The following ZNF784 variants were observed in gnomAD, a reference collection of about 807,000 sequenced individuals.
ZNF784 encodes zinc finger protein 784.
ZNF784 carries 5 observed loss-of-function variants against 3.3 expected under a neutral mutation model. The observed-to-expected ratio is 1.53, with a 90% CI of 0.80 to 3.22. The LOEUF (loss-of-function observed/expected upper bound fraction) is 3.22. Among genes scored for constraint, ZNF784 ranks in the 30% most tolerant of loss-of-function variants. ZNF784 has a pLI of 0.00. For missense variants in ZNF784, 501 were observed against 480.7 expected, an observed-to-expected ratio of 1.04 and a Z score of -0.39; for synonymous variants, 231 against 219.6, an observed-to-expected ratio of 1.05 and a Z score of -0.46.
In ZNF784 at chr19:55,622,006, A is replaced by T; in HGVS notation, c.717T>A (p.Leu239=). ...CGKGFTQSSV[L]SGHARIHTGE... ...CAGTGTGGATGCGGGCGTGGCCGCTAAGCACCGAGGACTGGGTGAAGCCCT... is the reference window on the plus strand; with the variant it reads ...CAGTGTGGATGCGGGCGTGGCCGCTTAGCACCGAGGACTGGGTGAAGCCCT... The change falls in exon 2 of 2, where the codon CTT becomes CTA. Residue 239 remains leucine, a synonymous_variant. Transcript: ENST00000325351. The surrounding 1 kb of genome is among the most constrained non-coding windows in gnomAD (Gnocchi z 5.9). 1.3e-6 allele frequency: 2 copies of T among 1,593,830 alleles called. No homozygotes were observed. Among genetic ancestry groups the T allele is most frequent in the Non-Finnish European group, 1.7e-6 (2 of 1,177,988 alleles).
chr19:55,621,777 T>G lies in ZNF784; in HGVS notation c.946A>C (p.Lys316Gln). The change falls in exon 2 of 2, where the codon AAG (lysine) becomes CAG (glutamine). Residue 316 changes from lysine (K) to glutamine (Q), a missense_variant. Lys to Gln is a moderately conservative substitution (Grantham distance 53). Transcript: ENST00000325351. This position sits in a 1 kb window ranked among gnomAD's most constrained non-coding sequence, Gnocchi z 4.1. ...PAEEGRGETA[K>Q]VKVEADQ is the part of the protein sequence containing the mutation. Reference sequence around the variant, plus strand: ...TACTGGTCGGCCTCCACCTTCACCTTCGCGGTCTCCCCCCGCCCCTCCTCC... The same window carrying G: ...TACTGGTCGGCCTCCACCTTCACCTGCGCGGTCTCCCCCCGCCCCTCCTCC... 3 of 1,597,232 alleles carry G rather than the reference T, an allele frequency of 1.9e-6. No homozygotes were observed. Among genetic ancestry groups the G allele is most frequent in the Non-Finnish European group, 1.7e-6 (2 of 1,179,676 alleles).
rs545348160 is a variant in ZNF784, at chr19:55,623,371, C to G, written c.79-727G>C. ...TTCTGTTGTATCCTCATCAACATTT[C>G]CTCTCCTGTCCAAAATATATCATGG... is the stretch of plus-strand genomic sequence containing the variant. On this transcript the variant is annotated intron_variant, in intron 1 of 1. Coordinates refer to ENST00000325351, the MANE Select transcript of ZNF784 (RefSeq NM_203374.2). Among the ~76,000 whole-genome samples, 159 of 152,302 alleles carry G rather than the reference C, an allele frequency of 1.0e-3. 3 individuals are homozygous for G. In the South Asian group the frequency reaches 0.013, roughly 12 times the overall value.
Position 55,621,641 on chromosome 19 carries a change from T to C in ZNF784, c.*110A>G, listed in dbSNP as rs1442818260. The C allele has an allele frequency of 4.4e-6, 6 of 1,367,888 alleles. No individual in the cohort carries two copies. Among genetic ancestry groups the C allele is most frequent in the East Asian group, 2.4e-5 (1 of 42,420 alleles). 84.7% of individuals were successfully genotyped at this position (1,367,888 alleles called of 1,614,324 possible). On this transcript the variant is annotated 3_prime_UTR_variant, in exon 2 of 2. Coordinates refer to ENST00000325351, the MANE Select transcript of ZNF784 (RefSeq NM_203374.2). This position sits in a 1 kb window ranked among gnomAD's most constrained non-coding sequence, Gnocchi z 4.1. ...CAACCATCCCTGCAGCTGTCATCTC[T>C]CCCCCAATCTCCCCTCTTCTGTCCC...
chr19:55,621,689 T>A lies in ZNF784; in HGVS notation c.*62A>T. The A allele has an allele frequency of 6.7e-7, 1 of 1,488,234 alleles. No homozygotes were observed. Among genetic ancestry groups the A allele is most frequent in the Non-Finnish European group, 9.1e-7 (1 of 1,102,462 alleles). 92.2% of individuals were successfully genotyped at this position (1,488,234 alleles called of 1,614,324 possible). On this transcript the variant is annotated 3_prime_UTR_variant, in exon 2 of 2. Coordinates refer to ENST00000325351, the MANE Select transcript of ZNF784 (RefSeq NM_203374.2). The surrounding 1 kb of genome is among the most constrained non-coding windows in gnomAD (Gnocchi z 4.1). ...CCCCTGCCTCCGTTTCCCCACCCCG[T>A]CCCCCTCCCCGGGTCGGCCTCGTAC...
Position 55,624,536 on chromosome 19 carries a change from T to C in ZNF784, c.26A>G (p.Gln9Arg), listed in dbSNP as rs762408505. ...CTCCGGAGTCGGTGAGCTCCGACTC[T>C]GGGCCTCTGGGCGCGCAGCGGCCAT... MAAARPEA[Q>R]SRSSPTPESR... The change falls in exon 1 of 2, where the codon CAG becomes CGG. Residue 9 changes from glutamine (Q) to arginine (R), a missense_variant. Coordinates refer to ENST00000325351, the MANE Select transcript of ZNF784 (RefSeq NM_203374.2). 16 of 1,597,854 alleles carry C rather than the reference T, an allele frequency of 1.0e-5. No homozygotes were observed. Among genetic ancestry groups the C allele is most frequent in the East Asian group, 9.1e-5 (4 of 43,842 alleles).
Position 55,624,503 on chromosome 19 carries a change from G to A in ZNF784, c.59C>T (p.Ser20Phe), listed in dbSNP as rs757091643. 1 of 1,605,184 alleles carries A rather than the reference G, an allele frequency of 6.2e-7. No homozygotes were observed. The highest frequency in any genetic ancestry group is 1.7e-5 in the Admixed American group (1 of 59,442). ...SRSSPTPESRSQEPLDLVLVP... is the reference protein window; with the variant it reads ...SRSSPTPESRFQEPLDLVLVP... ...CCGCACCAGGTCCAGTGGCTCCTGG[G>A]ATCGCGACTCCGGAGTCGGTGAGCT... Residue 20 changes from serine (S) to phenylalanine (F), a missense_variant, in exon 1 of 2, where the codon TCC (serine) becomes TTC (phenylalanine). Coordinates refer to ENST00000325351, the MANE Select transcript of ZNF784 (RefSeq NM_203374.2).
chr19:55,622,536 C>G lies in ZNF784; in HGVS notation c.187G>C (p.Gly63Arg). 1 of 1,612,146 alleles carries G rather than the reference C, an allele frequency of 6.2e-7. No homozygotes were observed. The highest frequency in any genetic ancestry group is 1.1e-5 in the South Asian group (1 of 90,806). ...GGGCACAAGGCACAGTGGAAAGAACCTGGCTCCGGGGGCTCAGGGACCAGC... is the reference window on the plus strand; with the variant it reads ...GGGCACAAGGCACAGTGGAAAGAACGTGGCTCCGGGGGCTCAGGGACCAGC... ...TTLVPEPPEP[G>R]SFHCALCPAA... The change falls in exon 2 of 2, where the codon GGT becomes CGT. Residue 63 changes from glycine (G) to arginine (R), a missense_variant. Gly to Arg is a moderately radical substitution (Grantham distance 125, BLOSUM62 -2). Transcript: ENST00000325351. This position sits in a 1 kb window ranked among gnomAD's most constrained non-coding sequence, Gnocchi z 5.9.
At position 55,622,726 on chromosome 19, in the gene ZNF784, C is replaced by T; in HGVS notation, c.79-82G>A. The T allele has an allele frequency of 3.1e-6, 4 of 1,291,074 alleles. No individual in the cohort carries two copies. Among genetic ancestry groups the T allele is most frequent in the African/African-American group, 3.0e-5 (2 of 65,952 alleles). 80.0% of individuals were successfully genotyped at this position (1,291,074 alleles called of 1,614,324 possible). On this transcript the variant is annotated intron_variant, in intron 1 of 1. Transcript: ENST00000325351. This position sits in a 1 kb window ranked among gnomAD's most constrained non-coding sequence, Gnocchi z 5.9. ...CACGCCCCAATTATTAAAGCTTGGG[C>T]TCCTCTGTTATTTTCAGACAGGGCC...
rs1348787081 is a variant in ZNF784, at chr19:55,621,919, GC to G, written c.803del (p.Arg268ProfsTer36). On this transcript the variant is annotated frameshift_variant, in exon 2 of 2. Coordinates refer to ENST00000325351, the MANE Select transcript of ZNF784 (RefSeq NM_203374.2). LOFTEE classifies it low-confidence loss of function (END_TRUNC). The surrounding 1 kb of genome is among the most constrained non-coding windows in gnomAD (Gnocchi z 4.1). ...CGTGGAAGTGGGTGCGCTGGTGCTTGCGGAAGTTGGAGGAGTTGTTGAAGGT... is the reference window on the plus strand; with the variant it reads ...CGTGGAAGTGGGTGCGCTGGTGCTTGGGAAGTTGGAGGAGTTGTTGAAGGT... ...DRTFNNSSNF[R>X]KHQRTHFHGP... The G allele has an allele frequency of 6.3e-7, 1 of 1,595,004 alleles. No homozygotes were observed. The highest frequency in any genetic ancestry group is 1.3e-5 in the African/African-American group (1 of 74,806).
chr19:55,621,357 C>T lies in ZNF784; in HGVS notation c.*394G>A, dbSNP rs191033930. On this transcript the variant is annotated 3_prime_UTR_variant, in exon 2 of 2. Transcript: ENST00000325351. This position sits in a 1 kb window ranked among gnomAD's most constrained non-coding sequence, Gnocchi z 4.1. ...CAGAAGACTATGGTGGACCCCAATT[C>T]CCCCCTTCCATTCGATCCTGGCTCC... 9.2e-5 allele frequency: 29 copies of T among 315,038 alleles called. 1 individual carries two copies. In the East Asian group the frequency reaches 2.2e-3, roughly 24 times the overall value. The allele number at this position is 315,038 out of a possible 1,614,324, so 19.5% of individuals were successfully genotyped here.
chr19:55,624,487 G>A lies in ZNF784; in HGVS notation c.75C>T (p.Asp25=). 1 of 1,603,816 alleles carries A rather than the reference G, an allele frequency of 6.2e-7. No individual in the cohort carries two copies. Among genetic ancestry groups the A allele is most frequent in the Non-Finnish European group, 8.5e-7 (1 of 1,176,252 alleles). Reference sequence around the variant, plus strand: ...CAGGCCCCTTCCTTGCCCGCACCAGGTCCAGTGGCTCCTGGGATCGCGACT... The same window carrying A: ...CAGGCCCCTTCCTTGCCCGCACCAGATCCAGTGGCTCCTGGGATCGCGACT... ...TPESRSQEPL[D]LVLVPDDCRP... is the part of the protein sequence containing the mutation. The change falls in exon 1 of 2, where the codon GAC becomes GAT. Residue 25 remains aspartate, a synonymous_variant. Coordinates refer to ENST00000325351, the MANE Select transcript of ZNF784 (RefSeq NM_203374.2).
chr19:55,621,534 T>G lies in ZNF784; in HGVS notation c.*217A>C, dbSNP rs1981550079. 4.5e-6 allele frequency: 3 copies of G among 663,054 alleles called. No homozygotes were observed. The highest frequency in any genetic ancestry group is 4.1e-4 in the Middle Eastern group (1 of 2,438). The allele number at this position is 663,054 out of a possible 1,614,324, so 41.1% of individuals were successfully genotyped here. On this transcript the variant is annotated 3_prime_UTR_variant, in exon 2 of 2. Transcript: ENST00000325351. The surrounding 1 kb of genome is among the most constrained non-coding windows in gnomAD (Gnocchi z 4.1). Reference sequence around the variant, plus strand: ...TGCAAGAGCTGCACCTGTCCTCTCCTAGGCCTGGCAGAGGTGCTGTGTGGG... The same window carrying G: ...TGCAAGAGCTGCACCTGTCCTCTCCGAGGCCTGGCAGAGGTGCTGTGTGGG...
chr19:55,624,395 C>T, intron 1 of ZNF784, 89 bp downstream of exon 1: 1 of 1,149,436 alleles, frequency 8.7e-7, no homozygotes, highest in Non-Finnish European at 1.2e-6. Flanking sequence ...CTCGCCCACC[C>T]CCTCATAGGC....
rs1373163996 is a variant in ZNF784, at chr19:55,622,072, C to T, written c.651G>A (p.Val217=). The change falls in exon 2 of 2, where the codon GTG becomes GTA. Residue 217 remains valine (V), a synonymous_variant. Coordinates refer to ENST00000325351, the MANE Select transcript of ZNF784 (RefSeq NM_203374.2). This position sits in a 1 kb window ranked among gnomAD's most constrained non-coding sequence, Gnocchi z 5.9. ...RSSDMRDHER[V]HTGERPYHCG... ...AATGGTATGGCCGCTCGCCAGTGTG[C>T]ACGCGCTCGTGGTCTCGCATGTCTG... is the stretch of plus-strand genomic sequence containing the variant. 1 of 1,584,448 alleles carries T rather than the reference C, an allele frequency of 6.3e-7. No homozygotes were observed. Among genetic ancestry groups the T allele is most frequent in the South Asian group, 1.1e-5 (1 of 88,704 alleles).
rs536075062 is a variant in ZNF784 at position 55,621,584 on chromosome 19, C to T, written c.*167G>A. Reference sequence around the variant, plus strand: ...GCGTGTGGGAGTCTGGAGCCTGGCCCTCTCCCTCTGCTCTCCATCACTAGC... The same window carrying T: ...GCGTGTGGGAGTCTGGAGCCTGGCCTTCTCCCTCTGCTCTCCATCACTAGC... On this transcript the variant is annotated 3_prime_UTR_variant, in exon 2 of 2. Coordinates refer to ENST00000325351, the MANE Select transcript of ZNF784 (RefSeq NM_203374.2). The surrounding 1 kb of genome is among the most constrained non-coding windows in gnomAD (Gnocchi z 4.1). The T allele has an allele frequency of 1.3e-5, 12 of 938,018 alleles. No homozygotes were observed. The East Asian group carries it at 3.2e-4, about 25-fold the overall frequency. 58.1% of individuals were successfully genotyped at this position (938,018 alleles called of 1,614,324 possible).
rs1981553659 is a variant in ZNF784, at chr19:55,621,644, C to T, written c.*107G>A. 6 of 1,396,954 alleles carry T rather than the reference C, an allele frequency of 4.3e-6. No individual in the cohort carries two copies. The highest frequency in any genetic ancestry group is 4.8e-6 in the Non-Finnish European group (5 of 1,032,100). 86.5% of individuals were successfully genotyped at this position (1,396,954 alleles called of 1,614,324 possible). A position where few individuals can be genotyped will look rare whatever the true frequency, so the allele number is the denominator to read the frequency against. ...CCATCCCTGCAGCTGTCATCTCTCCCCCAATCTCCCCTCTTCTGTCCCCTG... is the reference window on the plus strand; with the variant it reads ...CCATCCCTGCAGCTGTCATCTCTCCTCCAATCTCCCCTCTTCTGTCCCCTG... On this transcript the variant is annotated 3_prime_UTR_variant, in exon 2 of 2. Coordinates refer to ENST00000325351, the MANE Select transcript of ZNF784 (RefSeq NM_203374.2). The surrounding 1 kb of genome is among the most constrained non-coding windows in gnomAD (Gnocchi z 4.1).
Position 55,622,331 on chromosome 19 carries a change from C to T in ZNF784, c.392G>A (p.Cys131Tyr), listed in dbSNP as rs1358263194. The change falls in exon 2 of 2, where the codon TGC becomes TAC. Residue 131 changes from cysteine to tyrosine, a missense_variant. Physicochemically the swap from Cys to Tyr is radical, Grantham distance 194. Coordinates refer to ENST00000325351, the MANE Select transcript of ZNF784 (RefSeq NM_203374.2). This position sits in a 1 kb window ranked among gnomAD's most constrained non-coding sequence, Gnocchi z 5.9. ...SLHTGERPYRCALCPRAFKAL... is the reference protein window; with the variant it reads ...SLHTGERPYRYALCPRAFKAL... ...CTTGAAGGCGCGGGGGCAGAGCGCG[C>T]AGCGGTAGGGCCGCTCCCCCGTGTG... The T allele has an allele frequency of 6.6e-7, 1 of 1,511,880 alleles. No homozygotes were observed. Among genetic ancestry groups the T allele is most frequent in the Non-Finnish European group, 8.8e-7 (1 of 1,131,388 alleles). The allele number at this position is 1,511,880 out of a possible 1,614,324, so 93.7% of individuals were successfully genotyped here. A position where few individuals can be genotyped will look rare whatever the true frequency, so the allele number is the denominator to read the frequency against.
intron 1 of ZNF784, 96 bp downstream of exon 1, chr19:55,624,388 G>A (rs1038918670): frequency 1.9e-5 from 16 of 855,388 alleles, no homozygotes; most frequent in Non-Finnish European, 2.3e-5. Context: ...TACCTCCCTC[G>A]CCCACCCCCT....
rs1343125659 is a variant in ZNF784, at chr19:55,621,909, G to A, written c.814C>T (p.Arg272Cys). The A allele has an allele frequency of 6.3e-7, 1 of 1,593,908 alleles. No homozygotes were observed. Among genetic ancestry groups the A allele is most frequent in the Non-Finnish European group, 8.5e-7 (1 of 1,176,054 alleles). Residue 272 changes from arginine to cysteine, a missense_variant, in exon 2 of 2, where the codon CGC becomes TGC. By Grantham distance (180) the Arg-to-Cys change is radical. Coordinates refer to ENST00000325351, the MANE Select transcript of ZNF784 (RefSeq NM_203374.2). This position sits in a 1 kb window ranked among gnomAD's most constrained non-coding sequence, Gnocchi z 4.1. ...NNSSNFRKHQ[R>C]THFHGPGPGL... ...GGCCCCGGCCCGTGGAAGTGGGTGC[G>A]CTGGTGCTTGCGGAAGTTGGAGGAG... is the stretch of plus-strand genomic sequence containing the variant.
Sources: allele counts gnomAD v4.1 joint callset (sites outside exome capture counted in the v4.1 genomes callset), GRCh38; gene constraint gnomAD v4.1.1; non-coding constraint Gnocchi (gnomAD v3.1); transcripts MANE v1.5; gene names NCBI Gene and HGNC (gene_info 2026-07-23, HGNC 2026-07-21).